The following ITGA5 variants were observed in gnomAD, a reference collection of about 807,000 sequenced individuals.
ITGA5 encodes integrin alpha-5.
In ITGA5, 55 loss-of-function variants were observed where a neutral mutation model predicts 146.3. The ratio of observed to expected loss-of-function variants is 0.38; its 90% confidence interval spans 0.30 to 0.47. The LOEUF (loss-of-function observed/expected upper bound fraction) is 0.47. ITGA5 is among the 20% of genes least tolerant of loss of function. The pLI is 0.99. For missense variants in ITGA5, 1,131 were observed against 1,329.0 expected (o/e 0.85, Z 2.32); for synonymous variants, 500 against 531.8 (o/e 0.94, Z 0.82).
chr12:54,401,943 G>A lies in ITGA5; in HGVS notation c.2226+58C>T. The A allele has an allele frequency of 6.2e-7, 1 of 1,600,344 alleles. No homozygotes were observed. Among genetic ancestry groups the A allele is most frequent in the South Asian group, 1.1e-5 (1 of 90,778 alleles). ...CTCACAGCTGTGCTCTCGGCTGGCT[G>A]GTTACCGCCCTCAGGTCTGCTCTCC... On this transcript the variant is annotated intron_variant, in intron 21 of 29. Transcript: ENST00000293379. This position sits in a 1 kb window ranked among gnomAD's most constrained non-coding sequence, Gnocchi z 5.0.
rs1402724582 is a variant in ITGA5 at position 54,409,263 on chromosome 12, G to A, written c.552C>T (p.Thr184=). 6.2e-7 allele frequency: 1 copy of A among 1,613,950 alleles called. No homozygotes were observed. The change falls in exon 4 of 30, where the codon ACC becomes ACT. Residue 184 remains threonine, a synonymous_variant. Coordinates refer to ENST00000293379, the MANE Select transcript of ITGA5 (RefSeq NM_002205.5). The surrounding 1 kb of genome is among the most constrained non-coding windows in gnomAD (Gnocchi z 4.7). ...GTCYLSTDNF[T]RILEYAPCRS... ...GGCAGGGTGCATACTCCAGAATTCG[G>A]GTGAAGTTATCTGTGGAGAGGTAGC...
At chr12:54,400,034 ATTC>A in intron 25 of ITGA5, 87 bp from the exon 26 acceptor site, 1 of 879,074 alleles carries the variant, frequency 1.1e-6, no homozygotes, top group South Asian at 1.3e-5. Context: ...GCTTCAACCT[ATTC>A]TTTCATCTAT....
Position 54,399,905 on chromosome 12 carries a change from C to G in ITGA5, c.2686G>C (p.Ala896Pro), listed in dbSNP as rs774360435. 6.2e-7 allele frequency: 1 copy of G among 1,614,068 alleles called. No homozygotes were observed. The highest frequency in any genetic ancestry group is 8.5e-7 in the Non-Finnish European group (1 of 1,180,034). The change falls in exon 26 of 30, where the codon GCT becomes CCT. Residue 896 changes from alanine to proline, a missense_variant. This residue lies in a region of ITGA5 where 889 missense variants were observed against 1,021.5 expected (regional missense o/e 0.87). Transcript: ENST00000293379. ...GAGGAAGCAGAGCTGCGGCTTGGAGCTTCCCGTTTTTGCTGGTGGTGCAGG... is the reference window on the plus strand; with the variant it reads ...GAGGAAGCAGAGCTGCGGCTTGGAGGTTCCCGTTTTTGCTGGTGGTGCAGG... ...GSLHHQQKRE[A>P]PSRSSASSGP... is the part of the protein sequence containing the mutation.
intron 1 of ITGA5, among the ~76,000 whole-genome samples, chr12:54,418,630 G>A (rs1396846382): frequency 7.6e-5 from 9 of 117,872 alleles, no homozygotes; most frequent in Non-Finnish European, 1.6e-4. Context: ...ACCCGCCCCA[G>A]GTCCCAGCAG....
Position 54,419,157 on chromosome 12 carries a change from C to T in ITGA5, c.42G>A (p.Gln14=), listed in dbSNP as rs1013290694. Residue 14 remains glutamine, a synonymous_variant, in exon 1 of 30, where the codon CAG becomes CAA. Coordinates refer to ENST00000293379, the MANE Select transcript of ITGA5 (RefSeq NM_002205.5). ...GTCGGCGCCGGGGGCCCCAGCGCAG[C>T]TGCACGGCGTGGAGAGGGGACTCTG... is the stretch of plus-strand genomic sequence containing the variant. ...RTPESPLHAV[Q]LRWGPRRRPP... 1 of 1,586,952 alleles carries T rather than the reference C, an allele frequency of 6.3e-7. No individual in the cohort carries two copies. Among genetic ancestry groups the T allele is most frequent in the East Asian group, 2.3e-5 (1 of 43,924 alleles).
At chr12:54,400,785 C>A in intron 25 of ITGA5, 61 bp downstream of exon 25, 1 of 1,554,594 alleles carries the variant, frequency 6.4e-7, no homozygotes. Flanking sequence ...CCTTCCCCAA[C>A]CCCTCAGCCT....
At chr12:54,400,045 T>A in intron 25 of ITGA5, 98 bp from the exon 26 acceptor site, 2 of 809,734 alleles carry the variant, frequency 2.5e-6, no homozygotes, top group Non-Finnish European at 2.2e-6. Flanking sequence ...TTCTTTCATC[T>A]ATCTCTTTAT....
Position 54,396,192 on chromosome 12 carries a change from G to T in ITGA5, c.*101C>A. On this transcript the variant is annotated 3_prime_UTR_variant, in exon 30 of 30. Transcript: ENST00000293379. ...GGGCTGGGGAGAGGAGCTTCTCCCTGGCCGTCAGCACCTTCAAGAAGTACC... is the reference window on the plus strand; with the variant it reads ...GGGCTGGGGAGAGGAGCTTCTCCCTTGCCGTCAGCACCTTCAAGAAGTACC... The T allele has an allele frequency of 1.1e-6, 1 of 912,084 alleles. No individual in the cohort carries two copies. 56.5% of individuals were successfully genotyped at this position (912,084 alleles called of 1,614,324 possible).
At position 54,395,565 on chromosome 12, in the gene ITGA5, C is replaced by T. The variant is rs1188724245; in HGVS notation, c.*728G>A. The T allele has an allele frequency of 2.0e-5, 3 of 152,472 alleles. No homozygotes were observed. The highest frequency in any genetic ancestry group is 7.2e-5 in the African/African-American group (3 of 41,444). 9.4% of individuals were successfully genotyped at this position (152,472 alleles called of 1,614,324 possible). ...TCCTAAATCAGGGTGAACTGGGCCTCCAGGATCAGGTCTGGAGCAGGCCCA... is the reference window on the plus strand; with the variant it reads ...TCCTAAATCAGGGTGAACTGGGCCTTCAGGATCAGGTCTGGAGCAGGCCCA... On this transcript the variant is annotated 3_prime_UTR_variant, in exon 30 of 30. Coordinates refer to ENST00000293379, the MANE Select transcript of ITGA5 (RefSeq NM_002205.5).
chr12:54,414,935 G>T (rs930779123), intron 1 of ITGA5, among the ~76,000 whole-genome samples: 4 of 152,076 alleles, frequency 2.6e-5, no homozygotes, highest in African/African-American at 9.7e-5. Context: ...GATCACCTGA[G>T]GTCGGGAGTT....
rs1178716961 is a variant in ITGA5 at position 54,409,559 on chromosome 12, C to T, written c.388G>A (p.Gly130Arg). ...LLESSLSSSE[G>R]EEPVEYKSLQ... ...GACTTGTACTCCACAGGCTCCTCTC[C>T]CTCTGAGCTGGACAGTGAGGACTCC... The change falls in exon 3 of 30, where the codon GGA (glycine) becomes AGA (arginine). Residue 130 changes from glycine (G) to arginine (R), a missense_variant. Gly to Arg is a moderately radical substitution (Grantham distance 125, BLOSUM62 -2). Coordinates refer to ENST00000293379, the MANE Select transcript of ITGA5 (RefSeq NM_002205.5). The surrounding 1 kb of genome is among the most constrained non-coding windows in gnomAD (Gnocchi z 4.7). 1.2e-6 allele frequency: 2 copies of T among 1,613,722 alleles called. No homozygotes were observed. Among genetic ancestry groups the T allele is most frequent in the Non-Finnish European group, 1.7e-6 (2 of 1,179,972 alleles).
Position 54,401,114 on chromosome 12 carries a change from G to A in ITGA5, c.2494-119C>T, listed in dbSNP as rs559497211. ...GTCAGGCTCCTATCTCAGAGATGAAGCAGGGAAGCAATGGGCAGAGGTGAA... is the reference window on the plus strand; with the variant it reads ...GTCAGGCTCCTATCTCAGAGATGAAACAGGGAAGCAATGGGCAGAGGTGAA... On this transcript the variant is annotated intron_variant, in intron 24 of 29. Coordinates refer to ENST00000293379, the MANE Select transcript of ITGA5 (RefSeq NM_002205.5). The surrounding 1 kb of genome is among the most constrained non-coding windows in gnomAD (Gnocchi z 5.0). 49 of 1,089,684 alleles carry A rather than the reference G, an allele frequency of 4.5e-5. No individual in the cohort carries two copies. The highest frequency in any genetic ancestry group is 2.8e-4 in the Admixed American group (11 of 39,730). 67.5% of individuals were successfully genotyped at this position (1,089,684 alleles called of 1,614,324 possible). A position where few individuals can be genotyped will look rare whatever the true frequency, so the allele number is the denominator to read the frequency against.
Position 54,409,123 on chromosome 12 carries a change from C to G in ITGA5, c.583+109G>C. 1 of 1,503,406 alleles carries G rather than the reference C, an allele frequency of 6.7e-7. No homozygotes were observed. The highest frequency in any genetic ancestry group is 9.0e-7 in the Non-Finnish European group (1 of 1,108,134). 93.1% of individuals were successfully genotyped at this position (1,503,406 alleles called of 1,614,324 possible). ...TGGGTTAGCCTTTATCTTAAGCAAC[C>G]TAGAACCTCATGGGGGCACATGGTA... On this transcript the variant is annotated intron_variant, in intron 4 of 29. Coordinates refer to ENST00000293379, the MANE Select transcript of ITGA5 (RefSeq NM_002205.5). The surrounding 1 kb of genome is among the most constrained non-coding windows in gnomAD (Gnocchi z 4.7).
At chr12:54,410,308 T>C (rs1955926243) in intron 2 of ITGA5, among the ~76,000 whole-genome samples, 2 of 150,844 alleles carry the variant, frequency 1.3e-5, no homozygotes, top group African/African-American at 4.9e-5. Context: ...TCTTTGTCTA[T>C]ACTTGGACTG....
intron 1 of ITGA5, among the ~76,000 whole-genome samples, chr12:54,412,832 A>G (rs1955964332): frequency 6.6e-6 from 1 of 151,902 alleles, no homozygotes; most frequent in Admixed American, 6.6e-5. Flanking sequence ...AGACCTCCAC[A>G]CCGCTCTTGG....
rs565792147 is a variant in ITGA5 at position 54,412,992 on chromosome 12, C to G, written c.219-1028G>C. Among the ~76,000 whole-genome samples, 9 of 152,336 alleles carry G rather than the reference C, an allele frequency of 5.9e-5. No individual in the cohort carries two copies. The East Asian group carries it at 1.5e-3, about 26-fold the overall frequency. On this transcript the variant is annotated intron_variant, in intron 1 of 29. Coordinates refer to ENST00000293379, the MANE Select transcript of ITGA5 (RefSeq NM_002205.5). ...TGGCACTGCTTCTCAATCCCTCTGT[C>G]CCTCTGCCCCTATGACTGCTTGCTC...
chr12:54,416,231 G>A lies in ITGA5; in HGVS notation c.218+2750C>T, dbSNP rs1242448758. Among the ~76,000 whole-genome samples the A allele has an allele frequency of 6.6e-6, 1 of 152,070 alleles. No homozygotes were observed. The highest frequency in any genetic ancestry group is 2.4e-5 in the African/African-American group (1 of 41,418). On this transcript the variant is annotated intron_variant, in intron 1 of 29. Coordinates refer to ENST00000293379, the MANE Select transcript of ITGA5 (RefSeq NM_002205.5). The surrounding 1 kb of genome is among the most constrained non-coding windows in gnomAD (Gnocchi z 4.1). Reference sequence around the variant, plus strand: ...ATTACAGGTGCGTGCCAGCACGCTCGGCTAATTTTTTTATTTTTAGTAGAG... The same window carrying A: ...ATTACAGGTGCGTGCCAGCACGCTCAGCTAATTTTTTTATTTTTAGTAGAG...
intron 28 of ITGA5, among the ~76,000 whole-genome samples, chr12:54,397,954 G>A (rs572322982): frequency 5.3e-5 from 8 of 150,928 alleles, no homozygotes; most frequent in African/African-American, 1.9e-4. Context: ...CTGGAGTGCA[G>A]TGGTGTGATC....
At position 54,402,226 on chromosome 12, in the gene ITGA5, G is replaced by A. The variant is rs771652830; in HGVS notation, c.2087C>T (p.Thr696Ile). ...TGAGTACTCAGCCTCTGGAGGGGCGGTGACCCGAAGCTCAGCCTCATAGGC... is the reference window on the plus strand; with the variant it reads ...TGAGTACTCAGCCTCTGGAGGGGCGATGACCCGAAGCTCAGCCTCATAGGC... ...GGAYEAELRV[T>I]APPEAEYSGL... The change falls in exon 20 of 30, where the codon ACC becomes ATC. Residue 696 changes from threonine (T) to isoleucine (I), a missense_variant. By Grantham distance (89) the Thr-to-Ile change is moderately conservative. Coordinates refer to ENST00000293379, the MANE Select transcript of ITGA5 (RefSeq NM_002205.5). The A allele has an allele frequency of 6.2e-7, 1 of 1,614,102 alleles. No homozygotes were observed. The highest frequency in any genetic ancestry group is 8.5e-7 in the Non-Finnish European group (1 of 1,179,982).
Sources: gnomAD v4.1 joint callset for allele counts (sites outside exome capture counted in the v4.1 genomes callset) on GRCh38, gnomAD v4.1.1 for gene constraint, gnomAD v4.1.1 regional missense constraint, Gnocchi (gnomAD v3.1) non-coding constraint, MANE v1.5 for transcripts, NCBI Gene and HGNC (gene_info 2026-07-23, HGNC 2026-07-21) for gene names.